The following ARHGEF28 variants were observed in gnomAD, a reference collection of about 807,000 sequenced individuals.
The protein encoded by ARHGEF28 is 190 kDa guanine nucleotide exchange factor.
Under a neutral mutation model 206.6 loss-of-function variants are expected in ARHGEF28, and 152 were observed. The ratio of observed to expected loss-of-function variants is 0.74; its 90% CI spans 0.64 to 0.84. ARHGEF28 has a LOEUF of 0.84. Ranked by LOEUF, ARHGEF28 falls within the 40% of genes least tolerant of loss-of-function variation. The pLI, the probability that ARHGEF28 is intolerant of heterozygous loss-of-function variation, is 0.00. For synonymous variants in ARHGEF28, 763 were observed against 776.4 expected, an observed-to-expected ratio of 0.98 and a Z score of 0.29; for missense variants, 2,028 against 2,073.2, an observed-to-expected ratio of 0.98 and a Z score of 0.42.
intron 2 of ARHGEF28, among the ~76,000 whole-genome samples, chr5:73,741,341 ATGTGTGTGTGTGTGTGTGTG>A (rs369851573): frequency 6.0e-5 from 4 of 66,174 alleles, no homozygotes; most frequent in Admixed American, 3.8e-4. Context: ...TTAAATTTAT[ATGTGTGTGTGTGTGTGTGTG>A]TGTGTGTGTG....
chr5:73,813,652 C>A, intron 9 of ARHGEF28: 1 of 1,535,714 alleles, frequency 6.5e-7, no homozygotes, highest in Non-Finnish European at 8.7e-7. Context: ...AATGAAGATT[C>A]GAAGAAGGAC....
At position 73,821,129 on chromosome 5, in the gene ARHGEF28, C is replaced by T. The variant is rs528130186; in HGVS notation, c.1025-11209C>T. Among the ~76,000 whole-genome samples, 63 of 152,170 alleles carry T rather than the reference C, an allele frequency of 4.1e-4. 1 individual carries two copies. The highest frequency in any genetic ancestry group is 1.3e-3 in the African/African-American group (56 of 41,500). ...CAGCTCTCATTCATCCCTACCTACC[C>T]GGTAGTATCTCGGAGTTGCTCAGGA... On this transcript the variant is annotated intron_variant, in intron 9 of 35. Transcript: ENST00000513042.
At chr5:73,642,402 C>T (rs898163570) in intron 1 of ARHGEF28, among the ~76,000 whole-genome samples, 1 of 151,996 alleles carries the variant, frequency 6.6e-6, no homozygotes, top group Non-Finnish European at 1.5e-5. Context: ...ATGACTTCTC[C>T]AAGTTCATAG....
At position 73,684,835 on chromosome 5, in the gene ARHGEF28, T is replaced by C; in HGVS notation, c.-11-6T>C. 1 of 1,607,296 alleles carries C rather than the reference T, an allele frequency of 6.2e-7. No individual in the cohort carries two copies. The highest frequency in any genetic ancestry group is 8.5e-7 in the Non-Finnish European group (1 of 1,176,600). On this transcript the variant is annotated splice_region_variant and splice_polypyrimidine_tract_variant and intron_variant, in intron 1 of 35. Coordinates refer to ENST00000513042, the MANE Select transcript of ARHGEF28 (RefSeq NM_001177693.2). ...TAACTTCTCTTGTTTATTATTTTCA[T>C]TGCAGATGCGAAAGCCATGGAGTTG...
At chr5:73,653,644 C>A (rs1469195268) in intron 1 of ARHGEF28, among the ~76,000 whole-genome samples, 1 of 152,176 alleles carries the variant, frequency 6.6e-6, no homozygotes, top group East Asian at 1.9e-4. Flanking sequence ...CTCTGTGCTC[C>A]ATGCATGTGC....
At chr5:73,784,186 T>A (rs1167641988) in intron 7 of ARHGEF28, among the ~76,000 whole-genome samples, 2 of 151,826 alleles carry the variant, frequency 1.3e-5, no homozygotes, top group African/African-American at 4.8e-5. Context: ...ATTAGAAGAT[T>A]CTTAGTAGAT....
intron 2 of ARHGEF28, among the ~76,000 whole-genome samples, chr5:73,744,195 A>T (rs1406754914): frequency 6.6e-6 from 1 of 152,160 alleles, no homozygotes; most frequent in Non-Finnish European, 1.5e-5. Context: ...ACATATAAGA[A>T]ATAATATTTG....
intron 16 of ARHGEF28, among the ~76,000 whole-genome samples, chr5:73,862,833 T>G (rs1015519072): frequency 6.6e-6 from 1 of 150,776 alleles, no homozygotes; most frequent in Non-Finnish European, 1.5e-5. Flanking sequence ...TTTGTTTAGC[T>G]TGTTTTACTG....
Position 73,792,755 on chromosome 5 carries a change from T to C in ARHGEF28, c.911-1647T>C, listed in dbSNP as rs527641076. Among the ~76,000 whole-genome samples the C allele has an allele frequency of 4.6e-5, 7 of 151,956 alleles. No individual in the cohort carries two copies. The East Asian group carries it at 7.8e-4, about 17-fold the overall frequency. ...AAACCAAATCCCTACTGTACACTTA[T>C]AATGTGCCAAATACCATGGTAGGTG... On this transcript the variant is annotated intron_variant, in intron 7 of 35. Transcript: ENST00000513042.
Position 73,904,204 on chromosome 5 carries a change from G to GT in ARHGEF28, c.4075-12dup. The GT allele has an allele frequency of 6.2e-7, 1 of 1,612,942 alleles. No homozygotes were observed. Among genetic ancestry groups the GT allele is most frequent in the Non-Finnish European group, 8.5e-7 (1 of 1,179,068 alleles). ...AAGTAGAATGGTTATTCATTTTCTTGTTTTTTATGTATTTTAGGTGGAATG... is the reference window on the plus strand; with the variant it reads ...AAGTAGAATGGTTATTCATTTTCTTGTTTTTTTATGTATTTTAGGTGGAATG... On this transcript the variant is annotated splice_polypyrimidine_tract_variant and intron_variant, in intron 31 of 35. Transcript: ENST00000513042.
chr5:73,679,248 G>A (rs904244559), intron 1 of ARHGEF28, among the ~76,000 whole-genome samples: 3 of 152,134 alleles, frequency 2.0e-5, no homozygotes, highest in Non-Finnish European at 1.5e-5. Flanking sequence ...AAAAGCAATG[G>A]AAACATGGAC....
chr5:73,889,673 C>T (rs960269745), intron 26 of ARHGEF28, among the ~76,000 whole-genome samples: 1 of 152,208 alleles, frequency 6.6e-6, no homozygotes, highest in African/African-American at 2.4e-5. Flanking sequence ...CATGGCAGCT[C>T]CTTTCATCTT....
chr5:73,846,529 T>G, intron 12 of ARHGEF28, 54 bp downstream of exon 12: 2 of 1,524,418 alleles, frequency 1.3e-6, no homozygotes. Flanking sequence ...ATATGTTGTC[T>G]GCATTTACCC....
At chr5:73,818,002 C>T (rs1756335088) in intron 9 of ARHGEF28, among the ~76,000 whole-genome samples, 1 of 152,104 alleles carries the variant, frequency 6.6e-6, no homozygotes, top group South Asian at 2.1e-4. Flanking sequence ...AGATATAGTA[C>T]TTAAACACAT....
rs914262085 is a variant in ARHGEF28 at position 73,832,398 on chromosome 5, G to T, written c.1085G>T (p.Arg362Leu). 1 of 1,612,274 alleles carries T rather than the reference G, an allele frequency of 6.2e-7. No homozygotes were observed. The highest frequency in any genetic ancestry group is 1.3e-5 in the African/African-American group (1 of 74,890). Residue 362 changes from arginine (R) to leucine (L), a missense_variant, in exon 10 of 36, where the codon CGG becomes CTG. Physicochemically the swap from Arg to Leu is moderately radical, Grantham distance 102. Around this residue, in one of 3 missense-constraint regions of ARHGEF28, gnomAD observed 1,002 missense variants for 1,015.3 expected, o/e 0.99. Transcript: ENST00000513042. ...CCCTCGACATTGCTTGCTGCAGGCC[G>T]GCTTTCAGACATGCTGAATGGAGGT... Reference protein sequence around the residue: ...KPPSTLLAAGRLSDMLNGGDE... With the variant: ...KPPSTLLAAGLLSDMLNGGDE...
intron 30 of ARHGEF28, 105 bp downstream of exon 30, chr5:73,898,198 TG>T: frequency 7.3e-7 from 1 of 1,362,242 alleles, no homozygotes; most frequent in Non-Finnish European, 9.8e-7. Context: ...GAAGGGGACT[TG>T]ATATATTTTT....
intron 4 of ARHGEF28, among the ~76,000 whole-genome samples, chr5:73,767,759 AG>A (rs1462201508): frequency 6.6e-6 from 1 of 152,218 alleles, no homozygotes; most frequent in Non-Finnish European, 1.5e-5. Context: ...AGCTGGCTGC[AG>A]AAATTTGTAT....
chr5:73,904,136 C>T, intron 31 of ARHGEF28, 86 bp from the exon 32 acceptor site: 1 of 1,335,336 alleles, frequency 7.5e-7, no homozygotes, highest in Non-Finnish European at 1.1e-6. Flanking sequence ...AAGTGATTTA[C>T]CCAAGGTCAT....
chr5:73,675,259 TC>T (rs969556219), intron 1 of ARHGEF28, among the ~76,000 whole-genome samples: 1 of 152,094 alleles, frequency 6.6e-6, no homozygotes, highest in Non-Finnish European at 1.5e-5. Flanking sequence ...AAATTCCCCA[TC>T]CCCCTGCTGA....
Sources: gnomAD v4.1 joint callset for allele counts (sites outside exome capture counted in the v4.1 genomes callset) on GRCh38, gnomAD v4.1.1 for gene constraint, gnomAD v4.1.1 regional missense constraint, MANE v1.5 for transcripts, NCBI Gene and HGNC (gene_info 2026-07-23, HGNC 2026-07-21) for gene names.